Variants in MTHFD2 observed in about 807,000 individuals in gnomAD.
The protein encoded by MTHFD2 is bifunctional methylenetetrahydrofolate dehydrogenase/cyclohydrolase, mitochondrial.
MTHFD2 carries 26 observed loss-of-function variants against 36.8 expected under a neutral mutation model. The observed-to-expected ratio is 0.71, with a 90% CI of 0.52 to 0.98. MTHFD2 has a LOEUF of 0.98. MTHFD2 is among the 50% of genes least tolerant of loss of function. The pLI, the probability that MTHFD2 is intolerant of heterozygous loss-of-function variation, is 0.00. For synonymous variants in MTHFD2, 164 were observed against 155.2 expected (o/e 1.06, Z -0.42); for missense variants, 373 against 434.0 (o/e 0.86, Z 1.25).
chr2:74,212,169 T>C (rs1397864636), intron 7 of MTHFD2, among the ~76,000 whole-genome samples: 2 of 113,870 alleles, frequency 1.8e-5, no homozygotes, highest in East Asian at 2.1e-4. Context: ...CCCTTCCTTC[T>C]TTCTTTCCTT....
intron 1 of MTHFD2, among the ~76,000 whole-genome samples, chr2:74,205,229 A>G (rs1451559205): frequency 1.3e-5 from 2 of 152,236 alleles, no homozygotes; most frequent in Non-Finnish European, 2.9e-5. Context: ...CCTGGCTGCT[A>G]ACAACAGGGA....
chr2:74,217,523 T>C lies in MTHFD2; in HGVS notation c.*3281T>C, dbSNP rs1694483662. The C allele has an allele frequency of 6.6e-6, 1 of 152,164 alleles. No individual in the cohort carries two copies. Among genetic ancestry groups the C allele is most frequent in the Non-Finnish European group, 1.5e-5 (1 of 68,034 alleles). 9.4% of individuals were successfully genotyped at this position (152,164 alleles called of 1,614,324 possible). On this transcript the variant is annotated 3_prime_UTR_variant, in exon 8 of 8. Coordinates refer to ENST00000394053, the MANE Select transcript of MTHFD2 (RefSeq NM_006636.4). ...CTGTATTGTTCACATGAATGGGAGT[T>C]TGACTTTGGGAATAAACATTGAAAA...
In MTHFD2 at chr2:74,207,751, G is replaced by T; in HGVS notation, c.334G>T (p.Glu112Ter). The change falls in exon 3 of 8, where the codon GAA (glutamate) becomes TAA (stop). Residue 112 changes from glutamate to a stop codon, truncating the protein, a stop_gained. Coordinates refer to ENST00000394053, the MANE Select transcript of MTHFD2 (RefSeq NM_006636.4). LOFTEE classifies it high-confidence loss of function. ...GAAACCAGCTTCAATTTCAGAGGAA[G>T]AATTGTTGAATTTAATCAATAAACT... ...IMKPASISEE[E>*]LLNLINKLNN... The T allele has an allele frequency of 6.2e-7, 1 of 1,606,628 alleles. No homozygotes were observed. Among genetic ancestry groups the T allele is most frequent in the East Asian group, 2.2e-5 (1 of 44,748 alleles).
intron 1 of MTHFD2, among the ~76,000 whole-genome samples, chr2:74,204,829 T>G (rs897637057): frequency 6.6e-6 from 1 of 152,188 alleles, no homozygotes; most frequent in Non-Finnish European, 1.5e-5. Flanking sequence ...GTTGTTTGTT[T>G]GTTTGTTTAT....
intron 5 of MTHFD2, among the ~76,000 whole-genome samples, chr2:74,210,332 T>C (rs887361979): frequency 2.0e-5 from 3 of 152,368 alleles, no homozygotes; most frequent in Non-Finnish European, 2.9e-5. Flanking sequence ...ATAGCTTTGA[T>C]AGCTGGAGCT....
chr2:74,211,576 TA>T (rs1694304514), intron 6 of MTHFD2, 164 bp from the exon 7 acceptor site: 8 of 649,280 alleles, frequency 1.2e-5, no homozygotes, highest in East Asian at 9.7e-5. Context: ...GGAGCCAAAA[TA>T]AAAAAATAAT....
chr2:74,212,397 G>A (rs1335536828), intron 7 of MTHFD2, among the ~76,000 whole-genome samples: 2 of 149,592 alleles, frequency 1.3e-5, no homozygotes, highest in Non-Finnish European at 3.0e-5. Flanking sequence ...CTCCCCAGTA[G>A]CCAGGACTAC....
At chr2:74,213,270 CT>C (rs10638050) in intron 7 of MTHFD2, among the ~76,000 whole-genome samples, 72 of 76,006 alleles carry the variant, frequency 9.5e-4, no homozygotes, top group Middle Eastern at 0.019. Flanking sequence ...TTTTTCTTTC[CT>C]TTTTTTTTTT....
chr2:74,206,005 T>G (rs1694172212), intron 2 of MTHFD2, 116 bp downstream of exon 2: 1 of 1,120,268 alleles, frequency 8.9e-7, no homozygotes, highest in Non-Finnish European at 1.3e-6. Context: ...AGGAGGCTAA[T>G]GTGATTGAAC....
chr2:74,202,148 C>T (rs1291631683), intron 1 of MTHFD2, among the ~76,000 whole-genome samples: 1 of 151,868 alleles, frequency 6.6e-6, no homozygotes, highest in East Asian at 1.9e-4. Context: ...GAGGTGCAAG[C>T]TAAGTCATTC....
chr2:74,203,906 G>GTTTAGTTTAGTTTAGTTTAGTTTAGT (rs369717981), intron 1 of MTHFD2, among the ~76,000 whole-genome samples: 9 of 29,534 alleles, frequency 3.0e-4, no homozygotes, highest in African/African-American at 7.0e-4. Flanking sequence ...GTTTAGTTTA[G>GTTTAGTTTAGTTTAGTTTAGTTTAGT]TTAGTTTAGT....
At chr2:74,199,426 G>A (rs1022103456) in intron 1 of MTHFD2, among the ~76,000 whole-genome samples, 1 of 152,230 alleles carries the variant, frequency 6.6e-6, no homozygotes, top group African/African-American at 2.4e-5. Flanking sequence ...TAGGGAAAGG[G>A]GGAATGGAGA....
intron 7 of MTHFD2, among the ~76,000 whole-genome samples, chr2:74,212,176 C>CCTTT (rs1471080725): frequency 9.3e-6 from 1 of 107,102 alleles, no homozygotes; most frequent in Non-Finnish European, 1.9e-5. Context: ...TTCTTTCTTT[C>CCTTT]CTTCCTTCCC....
chr2:74,211,676 AG>A, intron 6 of MTHFD2, 64 bp from the exon 7 acceptor site: 1 of 1,469,654 alleles, frequency 6.8e-7, no homozygotes, highest in East Asian at 2.4e-5. Context: ...AATTGAAGTT[AG>A]ACAAGAATCT....
intron 4 of MTHFD2, among the ~76,000 whole-genome samples, chr2:74,209,648 T>C (rs772492412): frequency 1.3e-5 from 2 of 151,916 alleles, no homozygotes; most frequent in Non-Finnish European, 2.9e-5. Context: ...TCTCCTACCT[T>C]AGCCTCCCTG....
In MTHFD2 at chr2:74,217,293, T is replaced by TA. The variant is rs1694474334; in HGVS notation, c.*3052dup. 1 of 152,204 alleles carries TA rather than the reference T, an allele frequency of 6.6e-6. No homozygotes were observed. The highest frequency in any genetic ancestry group is 1.5e-5 in the Non-Finnish European group (1 of 68,034). 9.4% of individuals were successfully genotyped at this position (152,204 alleles called of 1,614,324 possible). ...AGATGCACTGTGGCTGTCAGGGTCA[T>TA]AGTAGGCATTAAATCAACATGGTTG... On this transcript the variant is annotated 3_prime_UTR_variant, in exon 8 of 8. Transcript: ENST00000394053.
chr2:74,216,203 C>G lies in MTHFD2; in HGVS notation c.*1961C>G, dbSNP rs1227436159. ...GTGACGTATAGCTTATGTCTCTAAT[C>G]CATGCCTGCTTACCTAGATTATTAA... On this transcript the variant is annotated 3_prime_UTR_variant, in exon 8 of 8. Coordinates refer to ENST00000394053, the MANE Select transcript of MTHFD2 (RefSeq NM_006636.4). 1 of 152,020 alleles carries G rather than the reference C, an allele frequency of 6.6e-6. No homozygotes were observed. Among genetic ancestry groups the G allele is most frequent in the African/African-American group, 2.4e-5 (1 of 41,410 alleles). 9.4% of individuals were successfully genotyped at this position (152,020 alleles called of 1,614,324 possible).
At chr2:74,203,840 C>CGTTT (rs1553448273) in intron 1 of MTHFD2, among the ~76,000 whole-genome samples, 64 of 128,474 alleles carry the variant, frequency 5.0e-4, no homozygotes, top group Non-Finnish European at 5.5e-4. Context: ...AAGAGATGCT[C>CGTTT]ATCTAGTTTA....
rs572205742 is a variant in MTHFD2, at chr2:74,207,123, C to CTTAT, written c.287-561_287-558dup. 1.8e-3 allele frequency among the ~76,000 whole-genome samples: 275 copies of CTTAT among 152,064 alleles called. 2 individuals carry two copies. Among genetic ancestry groups the CTTAT allele is most frequent in the African/African-American group, 5.3e-3 (219 of 41,456 alleles). On this transcript the variant is annotated intron_variant, in intron 2 of 7. Coordinates refer to ENST00000394053, the MANE Select transcript of MTHFD2 (RefSeq NM_006636.4). The stretch of plus-strand genomic sequence containing the variant: ...AAAGACTGGCTGTATTATTAGCTCG[C>CTTAT]TTATTTATTTATTTATTTATTTAGA...
Sources: gnomAD v4.1 joint callset for allele counts (sites outside exome capture counted in the v4.1 genomes callset) on GRCh38, gnomAD v4.1.1 for gene constraint, MANE v1.5 for transcripts, NCBI Gene and HGNC (gene_info 2026-07-23, HGNC 2026-07-21) for gene names.